Variants in ATP8A2 observed in about 807,000 individuals in gnomAD.
ATP8A2 encodes ATPase phospholipid transporting 8A2, also known as phospholipid-transporting ATPase IB.
ATP8A2 carries 100 observed loss-of-function variants against 165.6 expected under a neutral mutation model. The ratio of observed to expected loss-of-function variants is 0.60; its 90% CI spans 0.51 to 0.71. The LOEUF is 0.71. ATP8A2 is among the 30% of genes least tolerant of loss of function. ATP8A2 has a pLI of 0.00. For missense variants in ATP8A2, 1,227 were observed against 1,479.5 expected, an observed-to-expected ratio of 0.83 and a Z score of 2.80; for synonymous variants, 543 against 548.8, an observed-to-expected ratio of 0.99 and a Z score of 0.15.
chr13:25,554,533 G>A (rs772114880), intron 12 of ATP8A2, among the ~76,000 whole-genome samples: 15,138 of 138,436 alleles, frequency 0.11, 835 homozygotes, highest in Middle Eastern at 0.19. Context: ...GTGTGTATGT[G>A]TGTGTGTGTG....
At chr13:25,617,575 C>G (rs4586280) in intron 24 of ATP8A2, among the ~76,000 whole-genome samples, 75,138 of 152,006 alleles carry the variant, frequency 0.49, 20,247 homozygotes, top group Admixed American at 0.61. Context: ...AAGTTCGGTA[C>G]AGAAACAAGG....
intron 1 of ATP8A2, among the ~76,000 whole-genome samples, chr13:25,456,041 G>T (rs1283113038): frequency 6.6e-6 from 1 of 152,174 alleles, no homozygotes; most frequent in Non-Finnish European, 1.5e-5. Flanking sequence ...AAAGGAGGGG[G>T]CACTCTGGGA....
intron 33 of ATP8A2, among the ~76,000 whole-genome samples, chr13:25,870,575 C>A (rs956304062): frequency 1.3e-5 from 2 of 152,156 alleles, no homozygotes; most frequent in Non-Finnish European, 2.9e-5. Flanking sequence ...TAAGCATTGG[C>A]TCATTCAGTA....
At chr13:25,579,988 C>G (rs1375889295) in intron 22 of ATP8A2, 41 bp downstream of exon 22, 1 of 1,604,512 alleles carries the variant, frequency 6.2e-7, no homozygotes, top group Non-Finnish European at 8.5e-7. Context: ...CCATGAAGGA[C>G]TTAACCACCT....
chr13:25,948,849 A>G (rs1156948957), intron 33 of ATP8A2, among the ~76,000 whole-genome samples: 2 of 152,150 alleles, frequency 1.3e-5, no homozygotes, highest in East Asian at 3.8e-4. Flanking sequence ...GCAGATACAT[A>G]TCTGTGGTTT....
At position 25,985,849 on chromosome 13, in the gene ATP8A2, C is replaced by T. The variant is rs139532672; in HGVS notation, c.3377+17170C>T. On this transcript the variant is annotated intron_variant, in intron 35 of 36. Transcript: ENST00000381655. ...TTGGTTTAGACTTGGATTACCAAAA[C>T]CTGTCCATGTAGGAAGATTGGGGTG... is the stretch of plus-strand genomic sequence containing the variant. Among the ~76,000 whole-genome samples, 986 of 152,322 alleles carry T rather than the reference C, an allele frequency of 6.5e-3. 5 individuals are homozygous for T. Among genetic ancestry groups the T allele is most frequent in the Middle Eastern group, 0.027 (8 of 294 alleles).
intron 1 of ATP8A2, among the ~76,000 whole-genome samples, chr13:25,389,201 G>A (rs965562575): frequency 6.6e-6 from 1 of 152,200 alleles, no homozygotes; most frequent in African/African-American, 2.4e-5. Flanking sequence ...GGAAACTCTA[G>A]CATTTTAGAT....
rs1343819478 is a variant in ATP8A2, at chr13:26,023,889, C to A, written c.*3904C>A. The A allele has an allele frequency of 6.6e-6, 1 of 152,106 alleles. No individual in the cohort carries two copies. The highest frequency in any genetic ancestry group is 1.5e-5 in the Non-Finnish European group (1 of 68,024). 9.4% of individuals were successfully genotyped at this position (152,106 alleles called of 1,614,324 possible). A position where few individuals can be genotyped will look rare whatever the true frequency, so the allele number is the denominator to read the frequency against. ...CCTGGGATCCATAAAAAAATGTGAACAGGGAAATGGTGGCTAAGCAGAGCC... is the reference window on the plus strand; with the variant it reads ...CCTGGGATCCATAAAAAAATGTGAAAAGGGAAATGGTGGCTAAGCAGAGCC... On this transcript the variant is annotated 3_prime_UTR_variant, in exon 37 of 37. Transcript: ENST00000381655.
intron 33 of ATP8A2, among the ~76,000 whole-genome samples, chr13:25,896,834 T>C (rs1247462898): frequency 1.3e-5 from 2 of 152,308 alleles, no homozygotes; most frequent in East Asian, 3.9e-4. Flanking sequence ...AAGTCTGTTT[T>C]ATCAGAGACT....
intron 27 of ATP8A2, among the ~76,000 whole-genome samples, chr13:25,792,523 C>A (rs2045205372): frequency 6.6e-6 from 1 of 152,170 alleles, no homozygotes; most frequent in Non-Finnish European, 1.5e-5. Flanking sequence ...TATTTACCGA[C>A]TACCACTTTC....
chr13:26,018,967 T>C (rs2139378421), intron 36 of ATP8A2, among the ~76,000 whole-genome samples: 1 of 152,354 alleles, frequency 6.6e-6, no homozygotes, highest in South Asian at 2.1e-4. Context: ...ATGAACTGAT[T>C]GTGTAAGAAT....
Position 25,578,922 on chromosome 13 carries a change from G to A in ATP8A2, c.1867+23G>A, listed in dbSNP as rs753577226. 8.0e-6 allele frequency: 12 copies of A among 1,495,306 alleles called. No individual in the cohort carries two copies. The Admixed American group carries it at 8.4e-5, about 10-fold the overall frequency. 92.6% of individuals were successfully genotyped at this position (1,495,306 alleles called of 1,614,324 possible). ...AAGGTAAGTGGAATTTGGAAATGCT[G>A]TTTTTGGCCATTGGAGCTGTACTTT... On this transcript the variant is annotated intron_variant, in intron 21 of 36. Transcript: ENST00000381655.
chr13:25,870,243 C>T (rs1316241539), intron 33 of ATP8A2, among the ~76,000 whole-genome samples: 3 of 152,186 alleles, frequency 2.0e-5, no homozygotes, highest in Non-Finnish European at 4.4e-5. Context: ...TTTCTCTCAA[C>T]GTCCAGCCAC....
intron 6 of ATP8A2, among the ~76,000 whole-genome samples, chr13:25,533,956 G>A (rs147169616): frequency 1.6e-4 from 24 of 152,308 alleles, no homozygotes; most frequent in African/African-American, 5.8e-4. Flanking sequence ...CACAAGATGT[G>A]TTGGGGGATG....
chr13:25,506,451 C>T (rs1424803939), intron 2 of ATP8A2, among the ~76,000 whole-genome samples: 2 of 152,196 alleles, frequency 1.3e-5, no homozygotes, highest in East Asian at 1.9e-4. Flanking sequence ...CAGGAGGCCA[C>T]GTCTTGGACA....
intron 25 of ATP8A2, among the ~76,000 whole-genome samples, chr13:25,725,828 A>G (rs944130382): frequency 1.3e-5 from 2 of 152,196 alleles, no homozygotes. Flanking sequence ...ACCACAAAAG[A>G]TCAGTCTGAT....
chr13:25,441,047 G>A (rs1348712067), intron 1 of ATP8A2, among the ~76,000 whole-genome samples: 1 of 152,124 alleles, frequency 6.6e-6, no homozygotes, highest in Non-Finnish European at 1.5e-5. Context: ...GTCATCAAAA[G>A]GAAAACTATA....
At position 25,690,389 on chromosome 13, in the gene ATP8A2, CT is replaced by C. The variant is rs560573240; in HGVS notation, c.2212-8772del. 8.5e-3 allele frequency among the ~76,000 whole-genome samples: 1,246 copies of C among 145,754 alleles called. 6 individuals carry two copies. Among genetic ancestry groups the C allele is most frequent in the Non-Finnish European group, 0.013 (862 of 66,106 alleles). ...ACGTGGGTTTTTAAGAAATTTGTGACTTTTTTTTTTTTGAAAGGAAGAAACT... is the reference window on the plus strand; with the variant it reads ...ACGTGGGTTTTTAAGAAATTTGTGACTTTTTTTTTTTGAAAGGAAGAAACT... On this transcript the variant is annotated intron_variant, in intron 24 of 36. Coordinates refer to ENST00000381655, the MANE Select transcript of ATP8A2 (RefSeq NM_016529.6).
intron 24 of ATP8A2, among the ~76,000 whole-genome samples, chr13:25,624,968 A>C (rs1353506171): frequency 2.6e-5 from 4 of 152,232 alleles, no homozygotes; most frequent in African/African-American, 9.6e-5. Context: ...CTAAAGATAT[A>C]AAATGGTCTT....
Sources: gnomAD v4.1 joint callset for allele counts (sites outside exome capture counted in the v4.1 genomes callset) on GRCh38, gnomAD v4.1.1 for gene constraint, MANE v1.5 for transcripts, NCBI Gene and HGNC (gene_info 2026-07-23, HGNC 2026-07-21) for gene names.